Variants in PGBD5 observed in about 807,000 individuals in gnomAD.
The protein encoded by PGBD5 is piggyBac transposable element-derived protein 5.
In PGBD5, 14 loss-of-function variants were observed where a neutral mutation model predicts 47.9. The ratio of observed to expected loss-of-function variants is 0.29; its 90% CI spans 0.19 to 0.46. PGBD5 has a LOEUF of 0.46. Ranked by LOEUF, PGBD5 falls within the 20% of genes least tolerant of loss-of-function variation. PGBD5 has a pLI of 1.00. For missense variants in PGBD5, 635 were observed against 716.0 expected (o/e 0.89, Z 1.29); for synonymous variants, 316 against 306.3 (o/e 1.03, Z -0.33).
chr1:230,370,924 A>G (rs971045341), intron 1 of PGBD5, among the ~76,000 whole-genome samples: 2 of 152,204 alleles, frequency 1.3e-5, no homozygotes, highest in African/African-American at 4.8e-5. Context: ...CAGACGGAGT[A>G]GGCACTCAAA....
intron 1 of PGBD5, among the ~76,000 whole-genome samples, chr1:230,387,539 C>A (rs1656672638): frequency 6.6e-6 from 1 of 152,216 alleles, no homozygotes; most frequent in South Asian, 2.1e-4. Flanking sequence ...GGTCAGGTGA[C>A]TGAATCCAGG....
At chr1:230,394,835 GCTCCTCTCTCACTCCCTCC>G (rs1209649214) in intron 1 of PGBD5, among the ~76,000 whole-genome samples, 3 of 104,372 alleles carry the variant, frequency 2.9e-5, no homozygotes, top group African/African-American at 1.1e-4. Context: ...CTATCCCCGA[GCTCCTCTCTCACTCCCTCC>G]CTCCTCTCAT....
At chr1:230,329,998 C>T (rs1667187180) in intron 5 of PGBD5, among the ~76,000 whole-genome samples, 1 of 152,072 alleles carries the variant, frequency 6.6e-6, no homozygotes, top group East Asian at 1.9e-4. Flanking sequence ...TAATACTAAT[C>T]ACAAATAAAA....
chr1:230,381,038 C>A (rs185560738), intron 1 of PGBD5, among the ~76,000 whole-genome samples: 1 of 152,246 alleles, frequency 6.6e-6, no homozygotes, highest in East Asian at 1.9e-4. Flanking sequence ...ACACCATCCA[C>A]GTGCACAGTG....
At chr1:230,349,740 G>C (rs868827808) in intron 3 of PGBD5, among the ~76,000 whole-genome samples, 5 of 152,152 alleles carry the variant, frequency 3.3e-5, no homozygotes, top group Middle Eastern at 3.2e-3. Flanking sequence ...ATCACAAAAG[G>C]CACTATAGAG....
intron 1 of PGBD5, chr1:230,377,774 T>A (rs545709874): frequency 2.4e-5 from 30 of 1,257,790 alleles, no homozygotes; most frequent in Non-Finnish European, 3.0e-5. Flanking sequence ...CAGTGCAGCA[T>A]CCGGCTCATA....
Position 230,356,916 on chromosome 1 carries a change from G to A in PGBD5, c.737C>T (p.Ala246Val), listed in dbSNP as rs771102316. The change falls in exon 2 of 7, where the codon GCC becomes GTC. Residue 246 changes from alanine to valine, a missense_variant. Ala to Val is a moderately conservative substitution (Grantham distance 64). Transcript: ENST00000391860. The stretch of plus-strand genomic sequence containing the variant: ...CACCTGGGTTTGGGAAGGCCTGAAG[G>A]CAGAGTCGAAGCTGTTCTGCAGGGA... ...LDSLQNSFDS[A>V]FRPSQTQVLH... The A allele has an allele frequency of 6.2e-7, 1 of 1,613,764 alleles. No homozygotes were observed. The highest frequency in any genetic ancestry group is 1.3e-5 in the African/African-American group (1 of 75,046).
At chr1:230,422,282 G>A (rs1657665853) in intron 1 of PGBD5, among the ~76,000 whole-genome samples, 1 of 152,096 alleles carries the variant, frequency 6.6e-6, no homozygotes, top group Non-Finnish European at 1.5e-5. Context: ...CCTCCTCCGA[G>A]AAACGAATCA....
chr1:230,350,370 C>T (rs553021957), intron 3 of PGBD5, among the ~76,000 whole-genome samples: 1 of 152,340 alleles, frequency 6.6e-6, no homozygotes, highest in Non-Finnish European at 1.5e-5. Context: ...GCTCAGGCAC[C>T]TCTTGTGAAA....
chr1:230,357,645 G>T lies in PGBD5; in HGVS notation c.332-324C>A, dbSNP rs577906737. ...GCAGCCTGCATCTCCACACCAGACC[G>T]GAGGACAGCCCTCGGGGGGCGCAGT... On this transcript the variant is annotated intron_variant, in intron 1 of 6. Transcript: ENST00000391860. The surrounding 1 kb of genome is among the most constrained non-coding windows in gnomAD (Gnocchi z 5.7). 7.2e-5 allele frequency among the ~76,000 whole-genome samples: 11 copies of T among 152,154 alleles called. No homozygotes were observed. Among genetic ancestry groups the T allele is most frequent in the Non-Finnish European group, 1.6e-4 (11 of 68,024 alleles).
At chr1:230,378,384 T>A (rs1478685641) in intron 1 of PGBD5, among the ~76,000 whole-genome samples, 2 of 152,248 alleles carry the variant, frequency 1.3e-5, no homozygotes, top group East Asian at 3.8e-4. Flanking sequence ...TTCCATCCCC[T>A]AAGGTCATAA....
At chr1:230,421,837 A>C (rs1205785412) in intron 1 of PGBD5, among the ~76,000 whole-genome samples, 3 of 152,214 alleles carry the variant, frequency 2.0e-5, no homozygotes, top group Admixed American at 6.5e-5. Context: ...GCAGCTTCTT[A>C]TACTTAACAC....
Position 230,323,680 on chromosome 1 carries a change from C to A in PGBD5, c.1380-60G>T. 4 of 1,478,580 alleles carry A rather than the reference C, an allele frequency of 2.7e-6. No individual in the cohort carries two copies. Among genetic ancestry groups the A allele is most frequent in the Non-Finnish European group, 3.7e-6 (4 of 1,093,498 alleles). The allele number at this position is 1,478,580 out of a possible 1,614,324, so 91.6% of individuals were successfully genotyped here. A position where few individuals can be genotyped will look rare whatever the true frequency, so the allele number is the denominator to read the frequency against. On this transcript the variant is annotated intron_variant, in intron 6 of 6. Transcript: ENST00000391860. The surrounding 1 kb of genome is among the most constrained non-coding windows in gnomAD (Gnocchi z 4.1). ...TGGTTCATGGCACCCGGAGATGCATCCCAAAGGCCCCCCCTCACCACAGCC... is the reference window on the plus strand; with the variant it reads ...TGGTTCATGGCACCCGGAGATGCATACCAAAGGCCCCCCCTCACCACAGCC...
chr1:230,358,590 C>T (rs530328345), intron 1 of PGBD5, among the ~76,000 whole-genome samples: 1 of 152,014 alleles, frequency 6.6e-6, no homozygotes, highest in East Asian at 1.9e-4. Context: ...CACACCTCCC[C>T]GCCCCCCCAC....
chr1:230,357,270 A>G lies in PGBD5; in HGVS notation c.383T>C (p.Leu128Pro), dbSNP rs763421720. Residue 128 changes from leucine (L) to proline (P), a missense_variant, in exon 2 of 7, where the codon CTC (leucine) becomes CCC (proline). By Grantham distance (98) the Leu-to-Pro change is moderately conservative. Coordinates refer to ENST00000391860, the MANE Select transcript of PGBD5 (RefSeq NM_001258311.2). The surrounding 1 kb of genome is among the most constrained non-coding windows in gnomAD (Gnocchi z 5.7). ...CTTGAGGACGTTGTCTGGGACAAAG[A>G]GCTGGAAGAAGTCCACGGCACTGGC... is the stretch of plus-strand genomic sequence containing the variant. Reference protein sequence around the residue: ...PSASAVDFFQLFVPDNVLKNM... With the variant: ...PSASAVDFFQPFVPDNVLKNM... 1.9e-6 allele frequency: 3 copies of G among 1,614,050 alleles called. No individual in the cohort carries two copies. The highest frequency in any genetic ancestry group is 2.5e-6 in the Non-Finnish European group (3 of 1,180,006).
chr1:230,423,775 T>A (rs371247986), intron 1 of PGBD5, among the ~76,000 whole-genome samples: 4 of 152,092 alleles, frequency 2.6e-5, no homozygotes, highest in African/African-American at 9.7e-5. Context: ...ATACCGGCAA[T>A]AACCACTAAT....
rs149491488 is a variant in PGBD5, at chr1:230,393,133, T to A, written c.331+32465A>T. On this transcript the variant is annotated intron_variant, in intron 1 of 6. Transcript: ENST00000391860. ...GAAGGGGAAGGGGAAAAAAGAAGGG[T>A]AGGGGAGGAAGAAGAGGAGGAAGGA... Among the ~76,000 whole-genome samples the A allele has an allele frequency of 8.0e-4, 79 of 99,258 alleles. 8 individuals are homozygous for A. The East Asian group carries it at 0.026, about 33-fold the overall frequency. 65.1% of individuals were successfully genotyped at this position (99,258 alleles called of 152,430 possible).
At chr1:230,414,432 T>C (rs912644473) in intron 1 of PGBD5, among the ~76,000 whole-genome samples, 9 of 152,226 alleles carry the variant, frequency 5.9e-5, no homozygotes, top group African/African-American at 2.2e-4. Context: ...CCTAATCTTT[T>C]TCAGAATGTT....
At chr1:230,335,882 CACAGATGCATACACGGACA>C (rs1667316331) in intron 4 of PGBD5, among the ~76,000 whole-genome samples, 1 of 28,538 alleles carries the variant, frequency 3.5e-5, no homozygotes, top group Non-Finnish European at 1.3e-4. Flanking sequence ...TACACGGACA[CACAGATGCATACACGGACA>C]TACAGACACA....
Sources: allele counts gnomAD v4.1 joint callset (sites outside exome capture counted in the v4.1 genomes callset), GRCh38; gene constraint gnomAD v4.1.1; non-coding constraint Gnocchi (gnomAD v3.1); transcripts MANE v1.5; gene names NCBI Gene and HGNC (gene_info 2026-07-23, HGNC 2026-07-21).